Variants in CLEC18A observed in about 807,000 individuals in gnomAD.
The protein encoded by CLEC18A is C-type lectin domain family 18 member A, also known as mannose receptor-like 1.
Under a neutral mutation model 24.0 loss-of-function variants are expected in CLEC18A, and 5 were observed. The ratio of observed to expected loss-of-function variants is 0.21; its 90% CI spans 0.11 to 0.44. The LOEUF (loss-of-function observed/expected upper bound fraction) is 0.44, where lower values mean the gene tolerates loss of function less well. CLEC18A is among the 20% of genes least tolerant of loss of function. The probability of loss-of-function intolerance (pLI) is 0.99; values close to 1 mark genes in which losing one functional copy is unlikely to be tolerated. For synonymous variants in CLEC18A, 29 were observed against 100.1 expected (o/e 0.29, Z 4.24); for missense variants, 83 against 233.4 (o/e 0.36, Z 4.20).
At chr16:69,951,991 GT>G (rs1350138198) in intron 1 of CLEC18A, 43 bp from the exon 2 acceptor site, 1 of 491,546 alleles carries the variant, frequency 2.0e-6, no homozygotes, top group African/African-American at 2.7e-5. Flanking sequence ...TTGGGTTCAG[GT>G]CCCCCCATCC....
At chr16:69,945,911 G>A (rs1418627835), upstream of CLEC18A, among the ~76,000 whole-genome samples, 1 of 151,484 alleles carries the variant, frequency 6.6e-6, no homozygotes, top group Non-Finnish European at 1.5e-5. Flanking sequence ...TGGCCAACAT[G>A]GTGAAACCAT....
downstream of CLEC18A, among the ~76,000 whole-genome samples, chr16:69,965,022 G>A (rs1368906625): frequency 6.6e-6 from 1 of 151,610 alleles, no homozygotes; most frequent in East Asian, 1.9e-4. Flanking sequence ...GGCTGGTCTC[G>A]AACTCCCGTG....
At chr16:69,956,774 G>A (rs1332147044) in intron 3 of CLEC18A, among the ~76,000 whole-genome samples, 1 of 128,504 alleles carries the variant, frequency 7.8e-6, no homozygotes, top group Non-Finnish European at 1.6e-5. Context: ...TCAGAGTCTT[G>A]CTCTGTTGCC....
chr16:69,946,386 G>T (rs2058910999), upstream of CLEC18A, among the ~76,000 whole-genome samples: 1 of 118,812 alleles, frequency 8.4e-6, no homozygotes, highest in Non-Finnish European at 1.7e-5. Flanking sequence ...AGTTTTATGT[G>T]TATGGATTTT....
At chr16:69,943,770 G>T in the CLEC18A span, among the ~76,000 whole-genome samples, 1 of 146,570 alleles carries the variant, frequency 6.8e-6, no homozygotes, top group Non-Finnish European at 1.5e-5. Flanking sequence ...TTGAACGCCT[G>T]CGCTTCCCAG....
intron 3 of CLEC18A, among the ~76,000 whole-genome samples, chr16:69,956,424 C>T (rs1207911833): frequency 1.6e-5 from 2 of 127,020 alleles, no homozygotes; most frequent in East Asian, 4.9e-4. Flanking sequence ...GGCGCGATCT[C>T]GGCTCACTGC....
rs2059065980 is a variant in CLEC18A, at chr16:69,958,962, C to T, written c.477C>T (p.Ser159=). The stretch of plus-strand genomic sequence containing the variant: ...TGTAGCTCGTGTGGGCCACCTCAAG[C>T]CAGCTGGGCTGTGGGCGGCACCTGT... ...HYTQLVWATS[S]QLGCGRHLCS... The change falls in exon 4 of 12, where the codon AGC becomes AGT. Residue 159 remains serine, a synonymous_variant. Transcript: ENST00000288040. 1.1e-5 allele frequency: 1 copy of T among 94,098 alleles called. No individual in the cohort carries two copies. The highest frequency in any genetic ancestry group is 1.7e-5 in the Non-Finnish European group (1 of 60,284). The allele number at this position is 94,098 out of a possible 1,614,324, so 5.8% of individuals were successfully genotyped here. A position where few individuals can be genotyped will look rare whatever the true frequency, so the allele number is the denominator to read the frequency against.
chr16:69,946,817 G>GT (rs201185699), upstream of CLEC18A, among the ~76,000 whole-genome samples: 166 of 47,896 alleles, frequency 3.5e-3, 23 homozygotes, highest in Non-Finnish European at 3.5e-3. Flanking sequence ...TTCTAGTAGG[G>GT]TTTTTTTTTT....
At chr16:69,946,069 AGTG>A, upstream of CLEC18A, among the ~76,000 whole-genome samples, 1 of 110,182 alleles carries the variant, frequency 9.1e-6, no homozygotes, top group Non-Finnish European at 1.8e-5. Flanking sequence ...CTCCAGCCTC[AGTG>A]ACAGAGTGAG....
intron 3 of CLEC18A, among the ~76,000 whole-genome samples, chr16:69,956,386 T>C (rs144887396): frequency 8.5e-5 from 10 of 118,230 alleles, no homozygotes; most frequent in African/African-American, 4.0e-4. Context: ...GACGGAGTCT[T>C]GCTCTGTCGC....
At chr16:69,944,478 A>G in the CLEC18A span, among the ~76,000 whole-genome samples, 52 of 151,574 alleles carry the variant, frequency 3.4e-4, 1 homozygote, top group Admixed American at 2.3e-3. Flanking sequence ...GCAGTGCACT[A>G]TGATTGCACC....
At chr16:69,964,991 G>C (rs1959325158), downstream of CLEC18A, among the ~76,000 whole-genome samples, 1 of 151,824 alleles carries the variant, frequency 6.6e-6, no homozygotes, top group Non-Finnish European at 1.5e-5. Flanking sequence ...TTGTAGGGAC[G>C]GGGTTGCACC....
intron 3 of CLEC18A, among the ~76,000 whole-genome samples, chr16:69,956,770 T>TC (rs1203900971): frequency 7.8e-6 from 1 of 128,322 alleles, no homozygotes; most frequent in Admixed American, 8.1e-5. Flanking sequence ...CGATTCAGAG[T>TC]CTTGCTCTGT....
upstream of CLEC18A, among the ~76,000 whole-genome samples, chr16:69,948,379 T>TTTTG (rs1555507355): frequency 4.3e-5 from 6 of 138,124 alleles, no homozygotes; most frequent in East Asian, 4.4e-4. Flanking sequence ...TAAATGTTTT[T>TTTTG]TTTGTTTGTT....
At chr16:69,955,705 A>C (rs1485970997) in intron 3 of CLEC18A, among the ~76,000 whole-genome samples, 2 of 138,822 alleles carry the variant, frequency 1.4e-5, no homozygotes, top group Non-Finnish European at 3.0e-5. Flanking sequence ...GGTTTAGAAG[A>C]TGCTACTAAA....
chr16:69,965,076 A>G (rs1332834116), downstream of CLEC18A, among the ~76,000 whole-genome samples: 78 of 151,714 alleles, frequency 5.1e-4, 1 homozygote, highest in Non-Finnish European at 1.0e-3. Flanking sequence ...TGCTGGGGTT[A>G]CAGGCATGAG....
chr16:69,965,372 G>T (rs1401968665), downstream of CLEC18A, among the ~76,000 whole-genome samples: 2 of 152,128 alleles, frequency 1.3e-5, no homozygotes, highest in East Asian at 1.9e-4. Flanking sequence ...CAGCAGCCGC[G>T]CCTCTTCCTC....
rs2059002801 is a variant in CLEC18A at position 69,954,420 on chromosome 16, G to T, written c.303G>T (p.Trp101Cys). Residue 101 changes from tryptophan to cysteine, a missense_variant, in exon 3 of 12, where the codon TGG becomes TGT. Trp to Cys is a radical substitution (Grantham distance 215). Transcript: ENST00000288040. ...CCCCGAGCCTGGCGTCCGGCCTGTG[G>T]CGCACCCTGCAAGTGGGCTGGAACA... is the stretch of plus-strand genomic sequence containing the variant. ...TPTPSLASGL[W>C]RTLQVGWNMQ... 1.2e-6 allele frequency: 2 copies of T among 1,611,456 alleles called. No individual in the cohort carries two copies. Among genetic ancestry groups the T allele is most frequent in the African/African-American group, 2.7e-5 (2 of 74,862 alleles).
downstream of CLEC18A, among the ~76,000 whole-genome samples, chr16:69,965,560 G>A (rs1959362110): frequency 6.7e-6 from 1 of 150,266 alleles, no homozygotes; most frequent in African/African-American, 2.5e-5. Context: ...CCCACGCCTG[G>A]TTGGGGACCT....
Sources: allele counts gnomAD v4.1 joint callset (sites outside exome capture counted in the v4.1 genomes callset), GRCh38; gene constraint gnomAD v4.1.1; transcripts MANE v1.5; gene names NCBI Gene and HGNC (gene_info 2026-07-23, HGNC 2026-07-21).